The following ZNF652 variants were observed in gnomAD, a reference collection of about 807,000 sequenced individuals.
The protein encoded by ZNF652 is zinc finger protein 652.
A neutral mutation model predicts 45.2 loss-of-function variants in ZNF652; 16 were observed. That is an observed-to-expected ratio of 0.35 (90% CI 0.24 to 0.54). The LOEUF (loss-of-function observed/expected upper bound fraction) is 0.54, where lower values mean the gene tolerates loss of function less well. ZNF652 is among the 20% of genes least tolerant of loss of function. The probability of loss-of-function intolerance (pLI) is 0.91; values close to 1 mark genes in which losing one functional copy is unlikely to be tolerated. For synonymous variants in ZNF652, 250 were observed against 260.6 expected, an observed-to-expected ratio of 0.96 and a Z score of 0.39; for missense variants, 614 against 765.6, an observed-to-expected ratio of 0.80 and a Z score of 2.34.
rs1325110153 is a variant in ZNF652 at position 49,312,047 on chromosome 17, A to G, written c.1049-5T>C. The G allele has an allele frequency of 1.2e-6, 2 of 1,604,174 alleles. No homozygotes were observed. Among genetic ancestry groups the G allele is most frequent in the African/African-American group, 2.7e-5 (2 of 74,790 alleles). On this transcript the variant is annotated splice_region_variant and splice_polypyrimidine_tract_variant and intron_variant, in intron 3 of 5. Transcript: ENST00000430262. ...ATGGCATGTCTTTTGTGTGTGCTGC[A>G]ACACAGAATGTACTTAGTGTCAAAA... is the stretch of plus-strand genomic sequence containing the variant.
At chr17:49,320,354 T>C (rs536007307) in intron 1 of ZNF652, among the ~76,000 whole-genome samples, 1 of 152,366 alleles carries the variant, frequency 6.6e-6, no homozygotes, top group South Asian at 2.1e-4. Context: ...TACTTGACAT[T>C]TGAATAGATA....
Position 49,316,810 on chromosome 17 carries a change from C to G in ZNF652, c.900+16G>C, listed in dbSNP as rs200880685. The G allele has an allele frequency of 9.0e-4, 1,435 of 1,591,172 alleles. 3 individuals carry two copies. The highest frequency in any genetic ancestry group is 1.2e-3 in the East Asian group (54 of 44,808). On this transcript the variant is annotated intron_variant, in intron 2 of 5. Transcript: ENST00000430262. ...TTCTATCCTGAAAAGTTTTCCCTCT[C>G]GGTGATGAAACCTACCTGAATGTTT...
intron 1 of ZNF652, among the ~76,000 whole-genome samples, chr17:49,336,965 T>TAA (rs1555551433): frequency 1.7e-5 from 2 of 114,794 alleles, no homozygotes; most frequent in African/African-American, 6.5e-5. Context: ...TTTTTTTTTT[T>TAA]AAGTATGTAA....
chr17:49,326,564 T>G (rs2069958681), intron 1 of ZNF652, among the ~76,000 whole-genome samples: 1 of 152,090 alleles, frequency 6.6e-6, no homozygotes, highest in African/African-American at 2.4e-5. Flanking sequence ...AAGATGAACC[T>G]AGGGACCAAA....
chr17:49,313,873 T>C (rs930207577), intron 2 of ZNF652, among the ~76,000 whole-genome samples: 28 of 146,464 alleles, frequency 1.9e-4, no homozygotes, highest in African/African-American at 6.8e-4. Context: ...CTCAGGAGGC[T>C]GAGGCAGGAG....
chr17:49,312,978 G>A (rs2069738382), intron 2 of ZNF652, 133 bp from the exon 3 acceptor site: 3 of 789,002 alleles, frequency 3.8e-6, no homozygotes, highest in East Asian at 5.2e-5. Flanking sequence ...TTCTTCCACA[G>A]AGCCCAGATT....
At chr17:49,313,424 T>C (rs1185298562) in intron 2 of ZNF652, among the ~76,000 whole-genome samples, 1 of 152,146 alleles carries the variant, frequency 6.6e-6, no homozygotes, top group African/African-American at 2.4e-5. Context: ...CCCAAAGTAC[T>C]GCGATTACAG....
At chr17:49,311,537 T>C (rs2069711881) in intron 4 of ZNF652, 81 bp from the exon 5 acceptor site, 1 of 1,404,956 alleles carries the variant, frequency 7.1e-7, no homozygotes, top group Non-Finnish European at 9.5e-7. Context: ...TCTCTGATAC[T>C]AGGCTTATTT....
chr17:49,349,247 CTT>C (rs1567699363), intron 1 of ZNF652, among the ~76,000 whole-genome samples: 2 of 152,074 alleles, frequency 1.3e-5, no homozygotes, highest in Non-Finnish European at 2.9e-5. Flanking sequence ...TATGGTGAAA[CTT>C]TGTCTCTACT....
chr17:49,302,681 G>C (rs1361968842), intron 5 of ZNF652, among the ~76,000 whole-genome samples: 2 of 152,186 alleles, frequency 1.3e-5, no homozygotes, highest in Non-Finnish European at 2.9e-5. Context: ...TATACATGAG[G>C]ACGGGTGTGG....
chr17:49,315,848 A>G (rs1452490784), intron 2 of ZNF652, among the ~76,000 whole-genome samples: 2 of 152,228 alleles, frequency 1.3e-5, no homozygotes, highest in African/African-American at 4.8e-5. Context: ...CATTTTTTAA[A>G]ACTCTTTAAA....
chr17:49,351,017 ACACACACACACACAC>A (rs1567700321), intron 1 of ZNF652, among the ~76,000 whole-genome samples: 27 of 19,816 alleles, frequency 1.4e-3, no homozygotes, highest in African/African-American at 5.2e-3. Flanking sequence ...ATATATATAC[ACACACACACACACAC>A]ACACACACAC....
intron 5 of ZNF652, among the ~76,000 whole-genome samples, chr17:49,305,511 C>A (rs1049869887): frequency 2.0e-5 from 3 of 152,098 alleles, no homozygotes; most frequent in Admixed American, 6.6e-5. Flanking sequence ...ATACAAAACG[C>A]AAGTAAAGTG....
At chr17:49,327,765 ATATATATATATATATTT>A (rs2069977354) in intron 1 of ZNF652, among the ~76,000 whole-genome samples, 50 of 4,990 alleles carry the variant, frequency 0.01, 1 homozygote, top group Non-Finnish European at 0.016. Context: ...ATATATATAT[ATATATATATATATATTT>A]TTTTTTTTTT....
chr17:49,358,261 T>TTCTTCA lies in ZNF652; in HGVS notation c.-259+3642_-259+3647dup, dbSNP rs145755221. ...AAAGCATCATCTATCTCCATGAGCCTTCTTCAGCTAAAGTCACTAAACGCA... is the reference window on the plus strand; with the variant it reads ...AAAGCATCATCTATCTCCATGAGCCTTCTTCATCTTCAGCTAAAGTCACTAAACGCA... On this transcript the variant is annotated intron_variant, in intron 1 of 5. Transcript: ENST00000430262. Among the ~76,000 whole-genome samples the TTCTTCA allele has an allele frequency of 4.9e-3, 752 of 152,298 alleles. 5 individuals are homozygous for TTCTTCA. The highest frequency in any genetic ancestry group is 0.016 in the African/African-American group (660 of 41,576).
intron 5 of ZNF652, among the ~76,000 whole-genome samples, chr17:49,310,207 C>A (rs1317908417): frequency 6.6e-6 from 1 of 152,216 alleles, no homozygotes; most frequent in East Asian, 1.9e-4. Context: ...CCCGCCTTGG[C>A]CTCCCAAAGT....
In ZNF652 at chr17:49,298,448, G is replaced by A. The variant is rs1322534546; in HGVS notation, c.1786C>T (p.Leu596=). ...GQSEDNFLRH[L]AEKNSSAQHH The stretch of plus-strand genomic sequence containing the variant: ...TGTGCTGAACTGTTCTTCTCTGCCA[G>A]GTGCCGCAGAAAGTTGTCCTCACTC... Residue 596 remains leucine, a synonymous_variant, in exon 6 of 6, where the codon CTG becomes TTG. Transcript: ENST00000430262. 6.2e-7 allele frequency: 1 copy of A among 1,612,938 alleles called. No individual in the cohort carries two copies. The highest frequency in any genetic ancestry group is 1.7e-5 in the Admixed American group (1 of 60,022).
rs1202116420 is a variant in ZNF652 at position 49,312,802 on chromosome 17, T to G, written c.944A>C (p.His315Pro). 1 of 1,614,010 alleles carries G rather than the reference T, an allele frequency of 6.2e-7. No homozygotes were observed. Among genetic ancestry groups the G allele is most frequent in the Non-Finnish European group, 8.5e-7 (1 of 1,179,986 alleles). ...TCCATGGACGATCTTGATATGTTCATGAAGGGACCAGAGTTTCTTGAACGA... is the reference window on the plus strand; with the variant it reads ...TCCATGGACGATCTTGATATGTTCAGGAAGGGACCAGAGTTTCTTGAACGA... ...NKSFKKLWSLHEHIKIVHGYA... is the reference protein window; with the variant it reads ...NKSFKKLWSLPEHIKIVHGYA... Residue 315 changes from histidine (H) to proline (P), a missense_variant, in exon 3 of 6, where the codon CAT becomes CCT. Physicochemically the swap from His to Pro is moderately conservative, Grantham distance 77. Coordinates refer to ENST00000430262, the MANE Select transcript of ZNF652 (RefSeq NM_001145365.3).
rs186793907 is a variant in ZNF652, at chr17:49,329,188, C to T, written c.-258-11205G>A. Among the ~76,000 whole-genome samples the T allele has an allele frequency of 1.0e-3, 159 of 152,298 alleles. 1 individual carries two copies. Among genetic ancestry groups the T allele is most frequent in the Non-Finnish European group, 1.9e-3 (131 of 68,014 alleles). On this transcript the variant is annotated intron_variant, in intron 1 of 5. Transcript: ENST00000430262. ...TGTAGTCTGGGTTTCACAGTAACCACTTTTAACAAACTAAAGACTCAAAAT... is the reference window on the plus strand; with the variant it reads ...TGTAGTCTGGGTTTCACAGTAACCATTTTTAACAAACTAAAGACTCAAAAT...
Sources: gnomAD v4.1 joint callset for allele counts (sites outside exome capture counted in the v4.1 genomes callset) on GRCh38, gnomAD v4.1.1 for gene constraint, MANE v1.5 for transcripts, NCBI Gene and HGNC (gene_info 2026-07-23, HGNC 2026-07-21) for gene names.